Variants in TENM2 observed in about 807,000 individuals in gnomAD.
TENM2 encodes the protein teneurin transmembrane protein 2.
In TENM2, 52 loss-of-function variants were observed where a neutral mutation model predicts 245.2. That is an observed-to-expected ratio of 0.21 (90% CI 0.17 to 0.27). TENM2 has a LOEUF of 0.27. TENM2 is among the 10% of genes least tolerant of loss of function. The probability of loss-of-function intolerance (pLI) is 1.00; values close to 1 mark genes in which losing one functional copy is unlikely to be tolerated. For missense variants in TENM2, 3,046 were observed against 3,666.8 expected (o/e 0.83, Z 4.37); for synonymous variants, 1,363 against 1,438.9 (o/e 0.95, Z 1.19).
chr5:167,074,987 G>A, the TENM2 span, among the ~76,000 whole-genome samples: 4,921 of 152,194 alleles, frequency 0.032, 114 homozygotes, highest in Non-Finnish European at 0.049. Flanking sequence ...ATCCCCTGGT[G>A]CCACTTGCTG....
intron 2 of TENM2, among the ~76,000 whole-genome samples, chr5:167,785,655 G>A (rs577575253): frequency 1.3e-5 from 2 of 152,298 alleles, no homozygotes; most frequent in African/African-American, 4.8e-5. Flanking sequence ...AGGTGTGTTA[G>A]CCTGTAGTTT....
chr5:167,900,937 C>A (rs970971815), intron 3 of TENM2, among the ~76,000 whole-genome samples: 3 of 151,244 alleles, frequency 2.0e-5, no homozygotes, highest in African/African-American at 7.3e-5. Context: ...AGGAGTCCTG[C>A]GGGGTGGGGG....
At chr5:167,697,612 G>A (rs1235046605) in intron 2 of TENM2, among the ~76,000 whole-genome samples, 3 of 152,032 alleles carry the variant, frequency 2.0e-5, no homozygotes, top group Non-Finnish European at 4.4e-5. Flanking sequence ...TGCAACCTCT[G>A]CCCCCAGGTT....
intron 2 of TENM2, among the ~76,000 whole-genome samples, chr5:167,458,323 C>T (rs555391090): frequency 6.9e-6 from 1 of 144,986 alleles, no homozygotes; most frequent in Admixed American, 7.1e-5. Flanking sequence ...CCTGTCTCTA[C>T]TAAAAATACA....
At chr5:167,856,623 G>A (rs1172474300) in intron 2 of TENM2, among the ~76,000 whole-genome samples, 3 of 152,246 alleles carry the variant, frequency 2.0e-5, no homozygotes, top group East Asian at 3.9e-4. Context: ...TCTGACTTCT[G>A]GTGGGGCAGG....
chr5:167,639,883 A>C (rs1437801052), intron 2 of TENM2, among the ~76,000 whole-genome samples: 1 of 152,198 alleles, frequency 6.6e-6, no homozygotes, highest in African/African-American at 2.4e-5. Context: ...GATTTGTTGA[A>C]TGGATAGCTG....
chr5:167,969,480 G>C (rs560424540), intron 4 of TENM2, among the ~76,000 whole-genome samples: 1 of 152,116 alleles, frequency 6.6e-6, no homozygotes, highest in African/African-American at 2.4e-5. Context: ...ACCCAGTCTC[G>C]GGTATGTCTT....
the TENM2 span, among the ~76,000 whole-genome samples, chr5:167,237,203 A>G: frequency 6.6e-6 from 1 of 152,184 alleles, no homozygotes; most frequent in African/African-American, 2.4e-5. Context: ...CGTCTCTTTT[A>G]TTACTTCATG....
At chr5:167,593,263 C>T (rs924198333) in intron 2 of TENM2, among the ~76,000 whole-genome samples, 4 of 152,124 alleles carry the variant, frequency 2.6e-5, no homozygotes, top group Admixed American at 2.0e-4. Flanking sequence ...GAGTTTTAAT[C>T]GAATCACGAA....
intron 2 of TENM2, among the ~76,000 whole-genome samples, chr5:167,514,665 C>A (rs984886333): frequency 2.0e-5 from 3 of 152,182 alleles, no homozygotes; most frequent in African/African-American, 7.2e-5. Context: ...GAATGACTGA[C>A]AGGTCAAACC....
intron 5 of TENM2, among the ~76,000 whole-genome samples, chr5:168,025,381 A>G (rs954470937): frequency 6.6e-6 from 1 of 152,240 alleles, no homozygotes; most frequent in African/African-American, 2.4e-5. Context: ...ACACTTCCCT[A>G]TAGTAGCAAT....
At chr5:167,934,653 T>C (rs1333282865) in intron 3 of TENM2, among the ~76,000 whole-genome samples, 1 of 152,172 alleles carries the variant, frequency 6.6e-6, no homozygotes, top group Admixed American at 6.5e-5. Flanking sequence ...CCTTTGGGTA[T>C]TAACCAGACT....
intron 3 of TENM2, among the ~76,000 whole-genome samples, chr5:167,917,009 G>A (rs1281904444): frequency 6.6e-6 from 1 of 152,212 alleles, no homozygotes; most frequent in African/African-American, 2.4e-5. Context: ...GGGCAGGAAG[G>A]AAAAGCTTGC....
chr5:168,038,272 G>C (rs1284623336), intron 5 of TENM2, among the ~76,000 whole-genome samples: 1 of 152,178 alleles, frequency 6.6e-6, no homozygotes, highest in African/African-American at 2.4e-5. Flanking sequence ...GATCACCATT[G>C]TTACAAAACA....
At position 168,158,850 on chromosome 5, in the gene TENM2, T is replaced by TATATATATATATATATATATACAC. The variant is rs1339051385; in HGVS notation, c.2423-3760_2423-3759insTATATATATATATATATATACACA. ...GTGTGTATATATATATATATATATATACACACACACACACACACATATATA... is the reference window on the plus strand; with the variant it reads ...GTGTGTATATATATATATATATATATATATATATATATATATATATACACACACACACACACACACACATATATA... On this transcript the variant is annotated intron_variant, in intron 12 of 28. Coordinates refer to ENST00000518659, the Ensembl canonical transcript of TENM2. Among the ~76,000 whole-genome samples the TATATATATATATATATATATACAC allele has an allele frequency of 5.8e-3, 358 of 61,756 alleles. 10 individuals carry two copies. Among genetic ancestry groups the TATATATATATATATATATATACAC allele is most frequent in the Non-Finnish European group, 8.9e-3 (282 of 31,618 alleles). The allele number at this position is 61,756 out of a possible 152,430, so 40.5% of individuals were successfully genotyped here. A position where few individuals can be genotyped will look rare whatever the true frequency, so the allele number is the denominator to read the frequency against.
chr5:167,937,614 T>A (rs572304846), intron 3 of TENM2: 90 of 152,210 alleles, frequency 5.9e-4, no homozygotes, highest in African/African-American at 2.1e-3. Flanking sequence ...ATTTTTTTTT[T>A]ATTCCCTAAT....
At chr5:167,666,605 C>G (rs534608122) in intron 2 of TENM2, among the ~76,000 whole-genome samples, 1 of 152,070 alleles carries the variant, frequency 6.6e-6, no homozygotes. Flanking sequence ...AAGGACAGTA[C>G]TTAGAGGGCC....
intron 5 of TENM2, among the ~76,000 whole-genome samples, chr5:167,999,118 A>T (rs2152034899): frequency 6.6e-6 from 1 of 152,282 alleles, no homozygotes; most frequent in Admixed American, 6.5e-5. Context: ...GACTAGGAAA[A>T]ATGTCAGCCC....
intron 2 of TENM2, among the ~76,000 whole-genome samples, chr5:167,583,329 G>A (rs1465760274): frequency 6.6e-6 from 1 of 152,118 alleles, no homozygotes; most frequent in East Asian, 1.9e-4. Flanking sequence ...CACTAGCGTG[G>A]ATTGCATTCT....
Sources: allele counts gnomAD v4.1 joint callset (sites outside exome capture counted in the v4.1 genomes callset), GRCh38; gene constraint gnomAD v4.1.1; transcripts MANE v1.5; gene names NCBI Gene and HGNC (gene_info 2026-07-23, HGNC 2026-07-21).